The following BEND3 variants were observed in gnomAD, a reference collection of about 807,000 sequenced individuals.
BEND3 encodes the protein BEN domain-containing protein 3.
BEND3 carries 13 observed loss-of-function variants against 60.1 expected under a neutral mutation model. That is an observed-to-expected ratio of 0.22 (90% confidence interval 0.14 to 0.34). The LOEUF (loss-of-function observed/expected upper bound fraction) is 0.34. Among genes scored for constraint, BEND3 ranks in the 10% least tolerant of loss-of-function variants. The pLI, the probability that BEND3 is intolerant of heterozygous loss-of-function variation, is 1.00. For missense variants in BEND3, 896 were observed against 1,138.1 expected (o/e 0.79, Z 3.06); for synonymous variants, 497 against 491.5 (o/e 1.01, Z -0.15).
intron 3 of BEND3, among the ~76,000 whole-genome samples, chr6:107,090,241 G>A (rs1281168903): frequency 5.3e-5 from 8 of 152,048 alleles, no homozygotes; most frequent in Admixed American, 5.2e-4. Context: ...TCCAGCTTCT[G>A]GGGAGGCTGA....
intron 1 of BEND3, among the ~76,000 whole-genome samples, chr6:107,107,465 AT>A (rs1218716534): frequency 6.9e-6 from 1 of 145,862 alleles, no homozygotes; most frequent in South Asian, 2.2e-4. Context: ...AGTGCATTTT[AT>A]TTTTTTATTT....
At chr6:107,076,469 T>A (rs1452277299) in intron 3 of BEND3, among the ~76,000 whole-genome samples, 7 of 152,182 alleles carry the variant, frequency 4.6e-5, no homozygotes. Context: ...AGAATCTGAC[T>A]GAACAAAAAG....
chr6:107,089,756 G>A (rs1271862093), intron 3 of BEND3, among the ~76,000 whole-genome samples: 3 of 150,806 alleles, frequency 2.0e-5, no homozygotes, highest in African/African-American at 4.9e-5. Context: ...AATTGTGCAC[G>A]GCTAATTTTT....
intron 3 of BEND3, among the ~76,000 whole-genome samples, chr6:107,086,051 T>G (rs1554234191): frequency 1.3e-5 from 2 of 152,138 alleles, no homozygotes; most frequent in African/African-American, 4.8e-5. Flanking sequence ...CCTCCCAATG[T>G]GCTGGGATTA....
chr6:107,113,579 G>A (rs1554238830), intron 1 of BEND3, among the ~76,000 whole-genome samples: 1 of 152,028 alleles, frequency 6.6e-6, no homozygotes, highest in Admixed American at 6.6e-5. Flanking sequence ...GAATCCAAGA[G>A]GCTCTCTCCA....
chr6:107,114,413 C>A (rs1034221520), intron 1 of BEND3: 1 of 151,940 alleles, frequency 6.6e-6, no homozygotes, highest in African/African-American at 2.4e-5. Context: ...AGCGCTGCGC[C>A]CCCTGGCGGC....
chr6:107,068,724 CT>C lies in BEND3; in HGVS notation c.2466del (p.Ala823GlnfsTer10), dbSNP rs782091893. ...PNRKKCDILK[K>X]AKKVEK ...GGCCTTCACTTCTCCACTTTCTTTGCTTTCTTGAGGATGTCGCATTTTTTCC... is the reference window on the plus strand; with the variant it reads ...GGCCTTCACTTCTCCACTTTCTTTGCTTCTTGAGGATGTCGCATTTTTTCC... On this transcript the variant is annotated frameshift_variant, in exon 4 of 4. Transcript: ENST00000369042. LOFTEE classifies it high-confidence loss of function. The surrounding 1 kb of genome is among the most constrained non-coding windows in gnomAD (Gnocchi z 5.8). 8 of 1,613,436 alleles carry C rather than the reference CT, an allele frequency of 5.0e-6. No individual in the cohort carries two copies. The highest frequency in any genetic ancestry group is 5.9e-6 in the Non-Finnish European group (7 of 1,179,850).
chr6:107,105,646 G>A (rs1554237379), intron 1 of BEND3, among the ~76,000 whole-genome samples: 1 of 152,194 alleles, frequency 6.6e-6, no homozygotes, highest in Non-Finnish European at 1.5e-5. Flanking sequence ...CTGTGGGCCG[G>A]GGAGTCACAC....
chr6:107,094,905 C>T (rs1190038755), intron 3 of BEND3, among the ~76,000 whole-genome samples: 9 of 150,886 alleles, frequency 6.0e-5, no homozygotes, highest in South Asian at 2.1e-4. Flanking sequence ...ACGGCAGCCC[C>T]GACCTCCCAG....
chr6:107,090,938 C>T (rs1775462861), intron 3 of BEND3, among the ~76,000 whole-genome samples: 2 of 151,878 alleles, frequency 1.3e-5, no homozygotes, highest in Non-Finnish European at 1.5e-5. Flanking sequence ...GGCAAAACCC[C>T]GTCTCTACTA....
chr6:107,086,652 C>T (rs1038842961), intron 3 of BEND3, among the ~76,000 whole-genome samples: 10 of 151,900 alleles, frequency 6.6e-5, no homozygotes, highest in African/African-American at 1.9e-4. Context: ...GAGAATGCTG[C>T]CCTCCCCTTT....
chr6:107,111,753 C>T (rs1770099459), intron 1 of BEND3, among the ~76,000 whole-genome samples: 1 of 151,664 alleles, frequency 6.6e-6, no homozygotes, highest in Non-Finnish European at 1.5e-5. Flanking sequence ...AGGCTGAGGC[C>T]GGTGGATCAC....
chr6:107,080,990 C>T (rs1204798625), intron 3 of BEND3, among the ~76,000 whole-genome samples: 1 of 152,150 alleles, frequency 6.6e-6, no homozygotes, highest in African/African-American at 2.4e-5. Flanking sequence ...GGCATGGGAT[C>T]TCAGTCTGTT....
chr6:107,068,610 A>G lies in BEND3; in HGVS notation c.*94T>C. On this transcript the variant is annotated 3_prime_UTR_variant, in exon 4 of 4. Coordinates refer to ENST00000369042, the MANE Select transcript of BEND3 (RefSeq NM_001367314.1). The surrounding 1 kb of genome is among the most constrained non-coding windows in gnomAD (Gnocchi z 5.8). Reference sequence around the variant, plus strand: ...ACGGACATAAGGTGCCTGTCTGTGGATGCCATAGGCGTGCTCCCAAGTATT... The same window carrying G: ...ACGGACATAAGGTGCCTGTCTGTGGGTGCCATAGGCGTGCTCCCAAGTATT... 1 of 1,388,930 alleles carries G rather than the reference A, an allele frequency of 7.2e-7. No individual in the cohort carries two copies. The highest frequency in any genetic ancestry group is 9.7e-7 in the Non-Finnish European group (1 of 1,025,976). The allele number at this position is 1,388,930 out of a possible 1,614,324, so 86.0% of individuals were successfully genotyped here.
chr6:107,083,371 G>A (rs1278972575), intron 3 of BEND3, among the ~76,000 whole-genome samples: 1 of 152,012 alleles, frequency 6.6e-6, no homozygotes, highest in African/African-American at 2.4e-5. Flanking sequence ...TGTAATCCCG[G>A]CACTTTGGGA....
intron 3 of BEND3, among the ~76,000 whole-genome samples, chr6:107,097,628 T>C (rs1554236172): frequency 6.6e-6 from 1 of 150,462 alleles, no homozygotes; most frequent in Non-Finnish European, 1.5e-5. Context: ...CTGTATCTAC[T>C]AAAAATACAA....
intron 3 of BEND3, among the ~76,000 whole-genome samples, chr6:107,097,696 AG>A (rs1263537994): frequency 1.4e-5 from 2 of 143,580 alleles, no homozygotes; most frequent in Admixed American, 1.5e-4. Context: ...AGGCTGAGGT[AG>A]GAGAATCGCT....
chr6:107,080,146 C>T lies in BEND3; in HGVS notation c.241-9196G>A, dbSNP rs576866839. On this transcript the variant is annotated intron_variant, in intron 3 of 3. Coordinates refer to ENST00000369042, the MANE Select transcript of BEND3 (RefSeq NM_001367314.1). ...CTGTGGTGGCTCACACCTGTAATCCCGGCACTTTCGGAGGCCAAGGTGGGC... is the reference window on the plus strand; with the variant it reads ...CTGTGGTGGCTCACACCTGTAATCCTGGCACTTTCGGAGGCCAAGGTGGGC... 2.6e-5 allele frequency among the ~76,000 whole-genome samples: 4 copies of T among 151,878 alleles called. No homozygotes were observed. In the East Asian group the frequency reaches 5.8e-4, roughly 22 times the overall value.
In BEND3 at chr6:107,099,106, G is replaced by A; in HGVS notation, c.37+143C>T. On this transcript the variant is annotated intron_variant, in intron 2 of 3. Transcript: ENST00000369042. ...CTTATAACAAGTGTGTGGGTGGAGGGGGATGGGAACCGGGGAACAAGTGTG... is the reference window on the plus strand; with the variant it reads ...CTTATAACAAGTGTGTGGGTGGAGGAGGATGGGAACCGGGGAACAAGTGTG... 3 of 681,776 alleles carry A rather than the reference G, an allele frequency of 4.4e-6. No homozygotes were observed. The South Asian group carries it at 5.6e-5, about 13-fold the overall frequency. The allele number at this position is 681,776 out of a possible 1,614,324, so 42.2% of individuals were successfully genotyped here. A position where few individuals can be genotyped will look rare whatever the true frequency, so the allele number is the denominator to read the frequency against.
Sources: gnomAD v4.1 joint callset for allele counts (sites outside exome capture counted in the v4.1 genomes callset) on GRCh38, gnomAD v4.1.1 for gene constraint, Gnocchi (gnomAD v3.1) non-coding constraint, MANE v1.5 for transcripts, NCBI Gene and HGNC (gene_info 2026-07-23, HGNC 2026-07-21) for gene names.